Variants in SLC9B2 observed in about 807,000 individuals in gnomAD.
SLC9B2 encodes the protein sodium/hydrogen exchanger 9B2.
SLC9B2 carries 39 observed loss-of-function variants against 52.2 expected under a neutral mutation model. The observed-to-expected ratio is 0.75, with a 90% CI of 0.58 to 0.98. SLC9B2 has a LOEUF of 0.98. SLC9B2 is among the 50% of genes least tolerant of loss of function. The pLI, the probability that SLC9B2 is intolerant of heterozygous loss-of-function variation, is 0.00. For synonymous variants in SLC9B2, 214 were observed against 227.0 expected (o/e 0.94, Z 0.51); for missense variants, 626 against 637.5 (o/e 0.98, Z 0.19).
At position 103,031,741 on chromosome 4, in the gene SLC9B2, C is replaced by A; in HGVS notation, c.1214G>T (p.Gly405Val). The A allele has an allele frequency of 6.2e-7, 1 of 1,612,744 alleles. No individual in the cohort carries two copies. Among genetic ancestry groups the A allele is most frequent in the South Asian group, 1.1e-5 (1 of 91,022 alleles). The change falls in exon 10 of 12, where the codon GGA becomes GTA. Residue 405 changes from glycine (G) to valine (V), a missense_variant. Coordinates refer to ENST00000394785, the MANE Select transcript of SLC9B2 (RefSeq NM_178833.7). ...IFQPLLFGLI[G>V]AEVSIASLRP... ...GAGAGATGCAATAGATACCTCTGCT[C>A]CAATTAGTCCAAAAAGAAGGGGCTG...
At position 103,076,286 on chromosome 4, in the gene SLC9B2, C is replaced by G. The variant is rs1403596836; in HGVS notation, c.-145G>C. Reference sequence around the variant, plus strand: ...GGTCTAGCCACCGCGCTCTGGGGTTCCCGATTCGCGCATCTTCCCAGGCTG... The same window carrying G: ...GGTCTAGCCACCGCGCTCTGGGGTTGCCGATTCGCGCATCTTCCCAGGCTG... On this transcript the variant is annotated 5_prime_UTR_variant, in exon 1 of 12. Coordinates refer to ENST00000394785, the MANE Select transcript of SLC9B2 (RefSeq NM_178833.7). 2 of 152,444 alleles carry G rather than the reference C, an allele frequency of 1.3e-5. No individual in the cohort carries two copies. Among genetic ancestry groups the G allele is most frequent in the African/African-American group, 4.8e-5 (2 of 41,470 alleles). 9.4% of individuals were successfully genotyped at this position (152,444 alleles called of 1,614,324 possible).
chr4:103,066,660 T>C (rs985847255), intron 2 of SLC9B2, among the ~76,000 whole-genome samples, 153 bp from the exon 3 acceptor site: 1 of 152,228 alleles, frequency 6.6e-6, no homozygotes, highest in African/African-American at 2.4e-5. Flanking sequence ...TACTAGCTAA[T>C]CAGCTTGAAA....
intron 9 of SLC9B2, among the ~76,000 whole-genome samples, chr4:103,032,457 C>T (rs556985598): frequency 7.9e-5 from 12 of 152,058 alleles, no homozygotes; most frequent in African/African-American, 2.4e-4. Context: ...ACTGTTGCTC[C>T]ACAGAAAATG....
At chr4:103,048,825 T>C in intron 6 of SLC9B2, 68 bp downstream of exon 6, 1 of 1,556,312 alleles carries the variant, frequency 6.4e-7, no homozygotes, top group Non-Finnish European at 8.7e-7. Context: ...ATGCATTCTC[T>C]TGTATGCAAT....
chr4:103,067,504 G>A lies in SLC9B2; in HGVS notation c.47C>T (p.Ser16Phe). 1 of 1,613,390 alleles carries A rather than the reference G, an allele frequency of 6.2e-7. No individual in the cohort carries two copies. The highest frequency in any genetic ancestry group is 8.5e-7 in the Non-Finnish European group (1 of 1,179,508). The change falls in exon 2 of 12, where the codon TCC becomes TTC. Residue 16 changes from serine to phenylalanine, a missense_variant. By Grantham distance (155) the Ser-to-Phe change is radical. Coordinates refer to ENST00000394785, the MANE Select transcript of SLC9B2 (RefSeq NM_178833.7). The part of the protein sequence containing the change: ...KRITYEDSEP[S>F]TGMNYTPSMH... ...GGAGGGCGTGTAATTCATTCCTGTG[G>A]ATGGTTCTGAATCTTCATATGTAAT... is the stretch of plus-strand genomic sequence containing the variant.
chr4:103,047,155 C>T lies in SLC9B2; in HGVS notation c.785G>A (p.Gly262Asp). The T allele has an allele frequency of 6.2e-7, 1 of 1,613,944 alleles. No homozygotes were observed. The highest frequency in any genetic ancestry group is 8.5e-7 in the Non-Finnish European group (1 of 1,179,952). The change falls in exon 7 of 12, where the codon GGT becomes GAT. Residue 262 changes from glycine to aspartate, a missense_variant. By Grantham distance (94) the Gly-to-Asp change is moderately conservative. Transcript: ENST00000394785. The stretch of plus-strand genomic sequence containing the variant: ...CAAGGTTGGGACACCCTTCTCAACA[C>T]CATAGCCTCCTCCCTGCAAAAGGAG... ...SMLLLQGGGY[G>D]VEKGVPTLLM...
At chr4:103,075,218 T>C (rs1007809817) in intron 1 of SLC9B2, among the ~76,000 whole-genome samples, 1 of 152,134 alleles carries the variant, frequency 6.6e-6, no homozygotes, top group Non-Finnish European at 1.5e-5. Flanking sequence ...GGCACAATCT[T>C]GGCTCACTGC....
At chr4:103,067,065 C>T (rs1478153721) in intron 2 of SLC9B2, among the ~76,000 whole-genome samples, 1 of 151,178 alleles carries the variant, frequency 6.6e-6, no homozygotes, top group African/African-American at 2.4e-5. Flanking sequence ...ATTATAAATG[C>T]TTGGGTCACA....
intron 3 of SLC9B2, among the ~76,000 whole-genome samples, chr4:103,065,180 GCA>G (rs58302558): frequency 0.04 from 5,813 of 145,048 alleles, 152 homozygotes; most frequent in African/African-American, 0.068. Flanking sequence ...GTACACACAC[GCA>G]CACACACACA....
chr4:103,018,918 C>T (rs997256715), downstream of SLC9B2, among the ~76,000 whole-genome samples: 1 of 152,202 alleles, frequency 6.6e-6, no homozygotes, highest in African/African-American at 2.4e-5. Flanking sequence ...GCATTAGATT[C>T]TCATAGGAGC....
intron 7 of SLC9B2, among the ~76,000 whole-genome samples, chr4:103,045,199 A>T (rs927394648): frequency 1.3e-4 from 20 of 152,118 alleles, no homozygotes; most frequent in Non-Finnish European, 2.1e-4. Context: ...ATTAAAAAAA[A>T]TTTTTTGTTA....
downstream of SLC9B2, chr4:103,019,725 G>A (rs1436974470): frequency 1.0e-6 from 1 of 985,450 alleles, no homozygotes; most frequent in East Asian, 1.1e-4. Flanking sequence ...CTTCCGCGCA[G>A]GGGCGGGGCG....
chr4:103,026,536 A>C lies in SLC9B2; in HGVS notation c.1448T>G (p.Leu483Ter), dbSNP rs201314838. ...DTARSHGEKQ[L>*]EDYGMDVLTV... ...CAACACATCCATTCCATAGTCTTCTAATTGTTTCTCTCCATGTGACCTTGC... is the reference window on the plus strand; with the variant it reads ...CAACACATCCATTCCATAGTCTTCTCATTGTTTCTCTCCATGTGACCTTGC... The change falls in exon 12 of 12, where the codon TTA (leucine) becomes TGA (stop). Residue 483 changes from leucine to a stop codon, truncating the protein, a stop_gained. Transcript: ENST00000394785. LOFTEE classifies it high-confidence loss of function. The C allele has an allele frequency of 3.1e-6, 5 of 1,613,942 alleles. No individual in the cohort carries two copies. The highest frequency in any genetic ancestry group is 1.3e-5 in the African/African-American group (1 of 75,038).
chr4:103,070,693 G>C (rs946359202), intron 1 of SLC9B2, among the ~76,000 whole-genome samples: 1 of 152,174 alleles, frequency 6.6e-6, no homozygotes, highest in African/African-American at 2.4e-5. Flanking sequence ...CACCCGCCTA[G>C]GCCTCCCAAA....
Position 103,023,244 on chromosome 4 carries a change from T to C in SLC9B2, c.*3126A>G, listed in dbSNP as rs1010297899. Among the ~76,000 whole-genome samples the C allele has an allele frequency of 1.3e-5, 2 of 152,104 alleles. No individual in the cohort carries two copies. The highest frequency in any genetic ancestry group is 2.9e-5 in the Non-Finnish European group (2 of 68,016). On this transcript the variant is annotated 3_prime_UTR_variant, in exon 12 of 12. Transcript: ENST00000394785. ...ATGCCCTGTGAAAAATGCTGAGGAT[T>C]CAAGGATAATTAAGACAAGGTTCCT...
Position 103,047,132 on chromosome 4 carries a change from A to C in SLC9B2, c.808T>G (p.Leu270Val). ...TCGAAGCTGCCAGCTGCCATGAGCA[A>C]GGTTGGGACACCCTTCTCAACACCA... The part of the protein sequence containing the change: ...GYGVEKGVPT[L>V]LMAAGSFDDI... The change falls in exon 7 of 12, where the codon TTG (leucine) becomes GTG (valine). Residue 270 changes from leucine to valine, a missense_variant. Physicochemically the swap from Leu to Val is conservative, Grantham distance 32 (BLOSUM62 1). Transcript: ENST00000394785. 1.2e-6 allele frequency: 2 copies of C among 1,614,038 alleles called. No homozygotes were observed. The highest frequency in any genetic ancestry group is 1.7e-6 in the Non-Finnish European group (2 of 1,179,950).
chr4:103,060,457 T>C (rs541914543), intron 3 of SLC9B2, among the ~76,000 whole-genome samples: 5 of 151,830 alleles, frequency 3.3e-5, no homozygotes, highest in African/African-American at 9.7e-5. Flanking sequence ...TCTTTATATA[T>C]ATAAATGTCT....
rs567033121 is a variant in SLC9B2 at position 103,073,711 on chromosome 4, A to C, written c.-43+2473T>G. On this transcript the variant is annotated intron_variant, in intron 1 of 11. Coordinates refer to ENST00000394785, the MANE Select transcript of SLC9B2 (RefSeq NM_178833.7). ...AAGAATAAAAGGAAATTACCCCTAC[A>C]TAAGGGACCCAATACTTGCTTTCAT... is the stretch of plus-strand genomic sequence containing the variant. 2.0e-5 allele frequency among the ~76,000 whole-genome samples: 3 copies of C among 152,358 alleles called. No individual in the cohort carries two copies. In the East Asian group the frequency reaches 5.8e-4, roughly 29 times the overall value.
chr4:103,072,000 A>ACTG (rs1330868756), intron 1 of SLC9B2, among the ~76,000 whole-genome samples: 10 of 150,514 alleles, frequency 6.6e-5, no homozygotes, highest in African/African-American at 2.4e-4. Context: ...AAGATGAGTA[A>ACTG]CTGCCCAGAA....
Sources: allele counts gnomAD v4.1 joint callset (sites outside exome capture counted in the v4.1 genomes callset), GRCh38; gene constraint gnomAD v4.1.1; transcripts MANE v1.5; gene names NCBI Gene and HGNC (gene_info 2026-07-23, HGNC 2026-07-21).